PTPRD: variants seen among roughly 807,000 people sequenced by gnomAD.
PTPRD encodes the protein receptor-type tyrosine-protein phosphatase delta.
PTPRD carries 34 observed loss-of-function variants against 214.5 expected under a neutral mutation model. The observed-to-expected ratio is 0.16, with a 90% CI of 0.12 to 0.21. The LOEUF (loss-of-function observed/expected upper bound fraction) is 0.21. PTPRD is among the 10% of genes least tolerant of loss of function. PTPRD has a pLI of 1.00. For synonymous variants in PTPRD, 1,128 were observed against 845.7 expected, an observed-to-expected ratio of 1.33 and a Z score of -5.79; for missense variants, 2,545 against 2,398.7, an observed-to-expected ratio of 1.06 and a Z score of -1.27.
intron 4 of PTPRD, among the ~76,000 whole-genome samples, chr9:9,943,678 T>G (rs2092044116): frequency 2.6e-5 from 4 of 152,066 alleles, no homozygotes; most frequent in Non-Finnish European, 4.4e-5. Context: ...GAAAGCAACA[T>G]CTGAATAAGA....
intron 9 of PTPRD, among the ~76,000 whole-genome samples, chr9:9,212,673 G>A (rs1426922517): frequency 6.6e-6 from 1 of 152,146 alleles, no homozygotes; most frequent in African/African-American, 2.4e-5. Flanking sequence ...TACAGCCAAG[G>A]CCATTCACAG....
At chr9:10,505,034 G>C (rs2045436745) in intron 2 of PTPRD, among the ~76,000 whole-genome samples, 2 of 152,274 alleles carry the variant, frequency 1.3e-5, no homozygotes, top group South Asian at 4.1e-4. Context: ...TGCAAGAGCT[G>C]TCATAGCCAG....
intron 11 of PTPRD, among the ~76,000 whole-genome samples, chr9:8,795,637 T>TCTAC (rs1317994830): frequency 6.6e-6 from 1 of 151,926 alleles, no homozygotes; most frequent in African/African-American, 2.4e-5. Context: ...TTTATCACTA[T>TCTAC]CTCAGTAATA....
chr9:10,162,239 A>G (rs1480834865), intron 3 of PTPRD, among the ~76,000 whole-genome samples: 1 of 151,544 alleles, frequency 6.6e-6, no homozygotes, highest in Admixed American at 6.6e-5. Flanking sequence ...AGAAATATGT[A>G]CATTCCTCAT....
At chr9:9,642,357 T>C (rs2095994036) in intron 7 of PTPRD, among the ~76,000 whole-genome samples, 1 of 150,918 alleles carries the variant, frequency 6.6e-6, no homozygotes, top group Non-Finnish European at 1.5e-5. Context: ...ATGGCACATG[T>C]ATACATATGT....
At chr9:9,735,616 C>T (rs967585262) in intron 6 of PTPRD, among the ~76,000 whole-genome samples, 1 of 152,040 alleles carries the variant, frequency 6.6e-6, no homozygotes, top group African/African-American at 2.4e-5. Flanking sequence ...CCGAAGGAAG[C>T]TATTAATATT....
chr9:8,732,189 C>A (rs1022799735), intron 12 of PTPRD, among the ~76,000 whole-genome samples: 1 of 152,208 alleles, frequency 6.6e-6, no homozygotes, highest in Non-Finnish European at 1.5e-5. Flanking sequence ...CTAAACTCCA[C>A]ATCTGTCTGC....
chr9:9,851,405 T>C (rs2060521543), intron 5 of PTPRD, among the ~76,000 whole-genome samples: 4 of 152,236 alleles, frequency 2.6e-5, no homozygotes, highest in African/African-American at 7.2e-5. Context: ...GGATCAATTA[T>C]ATCTTCTAGA....
At chr9:9,824,223 G>C (rs1372785720) in intron 5 of PTPRD, among the ~76,000 whole-genome samples, 2 of 151,656 alleles carry the variant, frequency 1.3e-5, no homozygotes, top group Non-Finnish European at 2.9e-5. Flanking sequence ...TCTCAAGCCA[G>C]GAATTTTGGA....
At chr9:8,499,922 G>C in intron 24 of PTPRD, 82 bp from the exon 25 acceptor site, 6 of 1,256,412 alleles carry the variant, frequency 4.8e-6, no homozygotes, top group Non-Finnish European at 6.4e-6. Context: ...TCTTTACTTA[G>C]GTTTCTCTTT....
At chr9:10,071,965 T>C (rs2098028245) in intron 3 of PTPRD, among the ~76,000 whole-genome samples, 1 of 151,980 alleles carries the variant, frequency 6.6e-6, no homozygotes, top group Admixed American at 6.6e-5. Flanking sequence ...GAAGAGATCC[T>C]GTGTATTTGC....
chr9:9,931,637 A>G (rs7044524), intron 5 of PTPRD, among the ~76,000 whole-genome samples: 84,490 of 150,150 alleles, frequency 0.56, 26,721 homozygotes, highest in East Asian at 0.91. Flanking sequence ...CAAGACGGCA[A>G]CGAGGCTGGG....
At chr9:10,284,683 T>G (rs963817416) in intron 3 of PTPRD, among the ~76,000 whole-genome samples, 1 of 152,184 alleles carries the variant, frequency 6.6e-6, no homozygotes, top group Non-Finnish European at 1.5e-5. Context: ...TAGTCTCTTA[T>G]GAGGCTCAGG....
Position 10,514,625 on chromosome 9 carries a change from A to G in PTPRD, c.-600+97773T>C, listed in dbSNP as rs187135301. Reference sequence around the variant, plus strand: ...ATTCAGTAACTTTTCAAGAACTTTTATTTGAATAGTTAACCAAGTGACTTT... The same window carrying G: ...ATTCAGTAACTTTTCAAGAACTTTTGTTTGAATAGTTAACCAAGTGACTTT... On this transcript the variant is annotated intron_variant, in intron 2 of 45. Transcript: ENST00000381196. Among the ~76,000 whole-genome samples the G allele has an allele frequency of 1.9e-3, 287 of 151,972 alleles. 2 individuals carry two copies. The highest frequency in any genetic ancestry group is 6.7e-3 in the African/African-American group (278 of 41,524).
chr9:9,188,451 G>T (rs2099933040), intron 9 of PTPRD, among the ~76,000 whole-genome samples: 1 of 152,060 alleles, frequency 6.6e-6, no homozygotes, highest in East Asian at 1.9e-4. Flanking sequence ...GTTTTCCAAA[G>T]TGGTTGTAGC....
chr9:9,447,384 G>T (rs2090793480), intron 8 of PTPRD, among the ~76,000 whole-genome samples: 1 of 152,056 alleles, frequency 6.6e-6, no homozygotes, highest in Admixed American at 6.6e-5. Flanking sequence ...GGAGCTGGAG[G>T]CCATTATCCT....
intron 3 of PTPRD, among the ~76,000 whole-genome samples, chr9:10,137,551 T>A (rs2098950715): frequency 1.3e-5 from 1 of 78,566 alleles, no homozygotes; most frequent in Non-Finnish European, 2.3e-5. Context: ...GGGACTGTGG[T>A]GGCGTCGGGG....
At chr9:10,367,079 T>TAA (rs145427017) in intron 2 of PTPRD, among the ~76,000 whole-genome samples, 8 of 133,224 alleles carry the variant, frequency 6.0e-5, no homozygotes, top group South Asian at 4.6e-4. Flanking sequence ...CAGACAAACA[T>TAA]AAAAAAAAAA....
intron 9 of PTPRD, among the ~76,000 whole-genome samples, chr9:9,252,994 C>A (rs1029629974): frequency 6.6e-6 from 1 of 151,964 alleles, no homozygotes; most frequent in African/African-American, 2.4e-5. Context: ...AGACTATTGG[C>A]AGAATTTGCT....
Sources: gnomAD v4.1 joint callset for allele counts (sites outside exome capture counted in the v4.1 genomes callset) on GRCh38, gnomAD v4.1.1 for gene constraint, MANE v1.5 for transcripts, NCBI Gene and HGNC (gene_info 2026-07-23, HGNC 2026-07-21) for gene names.